Variants in ATP8B1 observed in about 807,000 individuals in gnomAD.
ATP8B1 encodes the protein ATPase phospholipid transporting 8B1, also known as phospholipid-transporting ATPase IC.
A neutral mutation model predicts 149.9 loss-of-function variants in ATP8B1; 80 were observed. The observed-to-expected ratio is 0.53, with a 90% confidence interval of 0.45 to 0.64. The LOEUF (loss-of-function observed/expected upper bound fraction) is 0.64, where lower values mean the gene tolerates loss of function less well. ATP8B1 is among the 30% of genes least tolerant of loss of function. ATP8B1 has a pLI of 0.00. For synonymous variants in ATP8B1, 536 were observed against 562.8 expected, an observed-to-expected ratio of 0.95 and a Z score of 0.67; for missense variants, 1,247 against 1,552.6, an observed-to-expected ratio of 0.80 and a Z score of 3.31.
intron 2 of ATP8B1, among the ~76,000 whole-genome samples, chr18:57,730,724 G>A (rs1245319532): frequency 1.3e-5 from 2 of 152,046 alleles, no homozygotes; most frequent in African/African-American, 4.8e-5. Context: ...TTACTTGCTG[G>A]CCCTTTACAG....
chr18:57,652,788 T>C, intron 24 of ATP8B1, 59 bp from the exon 25 acceptor site: 2 of 1,608,872 alleles, frequency 1.2e-6, no homozygotes, highest in Admixed American at 1.7e-5. Context: ...GTCAGAGATA[T>C]GTTATAATTA....
intron 1 of ATP8B1, among the ~76,000 whole-genome samples, chr18:57,733,725 A>G (rs1308172351): frequency 7.6e-6 from 1 of 132,128 alleles, no homozygotes; most frequent in Non-Finnish European, 1.7e-5. Flanking sequence ...AAAAAAAAAA[A>G]AAAATGTAAG....
rs776343793 is a variant in ATP8B1 at position 57,704,542 on chromosome 18, C to G, written c.393+13G>C. Reference sequence around the variant, plus strand: ...TATAATTCAAACAGATTTAAGATAGCAAAGGGCATTACCTGTAAGATAAGA... The same window carrying G: ...TATAATTCAAACAGATTTAAGATAGGAAAGGGCATTACCTGTAAGATAAGA... On this transcript the variant is annotated intron_variant, in intron 4 of 27. Coordinates refer to ENST00000648908, the MANE Select transcript of ATP8B1 (RefSeq NM_001374385.1). 6.7e-7 allele frequency: 1 copy of G among 1,502,394 alleles called. No individual in the cohort carries two copies. Among genetic ancestry groups the G allele is most frequent in the African/African-American group, 1.4e-5 (1 of 72,548 alleles). 93.1% of individuals were successfully genotyped at this position (1,502,394 alleles called of 1,614,324 possible).
chr18:57,742,677 A>C (rs779217761), intron 1 of ATP8B1, among the ~76,000 whole-genome samples: 6 of 151,988 alleles, frequency 3.9e-5, no homozygotes, highest in Admixed American at 6.6e-5. Flanking sequence ...ACAAATAATA[A>C]TTTAAAGAAT....
intron 1 of ATP8B1, among the ~76,000 whole-genome samples, chr18:57,786,654 C>T (rs1220161908): frequency 1.3e-5 from 2 of 152,122 alleles, no homozygotes; most frequent in Non-Finnish European, 2.9e-5. Flanking sequence ...AGGAAGAGTC[C>T]CTCACTTTGG....
chr18:57,775,399 A>G (rs927535473), intron 1 of ATP8B1, among the ~76,000 whole-genome samples: 4 of 150,916 alleles, frequency 2.7e-5, no homozygotes, highest in African/African-American at 9.8e-5. Flanking sequence ...GAGGAAGGAG[A>G]GGGGCGGAAT....
At chr18:57,792,198 G>C (rs1313284195) in intron 1 of ATP8B1, among the ~76,000 whole-genome samples, 1 of 152,136 alleles carries the variant, frequency 6.6e-6, no homozygotes, top group Non-Finnish European at 1.5e-5. Context: ...TCCATGGCCT[G>C]TGCTTTTTTT....
intron 1 of ATP8B1, among the ~76,000 whole-genome samples, chr18:57,788,878 C>T (rs938453618): frequency 6.6e-6 from 1 of 152,194 alleles, no homozygotes; most frequent in Non-Finnish European, 1.5e-5. Context: ...TATTACAAAT[C>T]ATAGATATTA....
At chr18:57,753,949 GAAAGAAAGAAAAGA>G (rs1568055002) in intron 1 of ATP8B1, among the ~76,000 whole-genome samples, 1 of 93,098 alleles carries the variant, frequency 1.1e-5, no homozygotes, top group African/African-American at 5.0e-5. Context: ...AAAAAAAAAA[GAAAGAAAGAAAAGA>G]AAAAAAAAAA....
At chr18:57,752,872 C>G (rs2080035812) in intron 1 of ATP8B1, among the ~76,000 whole-genome samples, 1 of 152,150 alleles carries the variant, frequency 6.6e-6, no homozygotes, top group Admixed American at 6.5e-5. Context: ...TCATAAAGAA[C>G]TACCAAATGT....
At chr18:57,762,141 ATTT>A (rs11300223) in intron 1 of ATP8B1, among the ~76,000 whole-genome samples, 3,025 of 126,758 alleles carry the variant, frequency 0.024, 74 homozygotes, top group African/African-American at 0.071. Flanking sequence ...ATATATATAT[ATTT>A]TTTTTTTCTT....
At chr18:57,744,195 G>A (rs1390606289) in intron 1 of ATP8B1, among the ~76,000 whole-genome samples, 3 of 150,890 alleles carry the variant, frequency 2.0e-5, no homozygotes, top group African/African-American at 4.9e-5. Context: ...TGTGCCTGTA[G>A]TCCCAGCTAC....
intron 1 of ATP8B1, among the ~76,000 whole-genome samples, chr18:57,752,307 C>G (rs754051063): frequency 2.6e-5 from 4 of 151,736 alleles, no homozygotes; most frequent in Non-Finnish European, 4.4e-5. Context: ...GGGGCAGAAT[C>G]AAGAAATGGT....
chr18:57,795,354 G>C (rs944298265), intron 1 of ATP8B1, among the ~76,000 whole-genome samples: 1 of 148,916 alleles, frequency 6.7e-6, no homozygotes, highest in Non-Finnish European at 1.5e-5. Flanking sequence ...AGTAAGCTAT[G>C]ATCACACCAC....
intron 1 of ATP8B1, among the ~76,000 whole-genome samples, chr18:57,799,782 A>G (rs1445223973): frequency 6.6e-6 from 1 of 152,106 alleles, no homozygotes; most frequent in Non-Finnish European, 1.5e-5. Flanking sequence ...GCTCATATCT[A>G]TATACATACA....
At chr18:57,680,301 A>AAAAAAAAAAAAAAAAAAAAAAAAAAAAC (rs1911874145) in intron 15 of ATP8B1, among the ~76,000 whole-genome samples, 1 of 124,946 alleles carries the variant, frequency 8.0e-6, no homozygotes, top group Admixed American at 8.4e-5. Flanking sequence ...AAAAAAAAAA[A>AAAAAAAAAAAAAAAAAAAAAAAAAAAAC]AGACTGGGTG....
chr18:57,648,816 C>T, intron 27 of ATP8B1, 104 bp from the exon 28 acceptor site: 1 of 1,122,828 alleles, frequency 8.9e-7, no homozygotes, highest in Admixed American at 2.1e-5. Flanking sequence ...TCCCCTGACA[C>T]CTGCCCCATT....
rs146370790 is a variant in ATP8B1, at chr18:57,778,612, G to A, written c.-26+24386C>T. On this transcript the variant is annotated intron_variant, in intron 1 of 27. Coordinates refer to ENST00000648908, the MANE Select transcript of ATP8B1 (RefSeq NM_001374385.1). ...GGCTGCAGTCAAGGTGTGAGCCAGA[G>A]CTGCAGTCACCTAAAGGTCGGCCTG... is the stretch of plus-strand genomic sequence containing the variant. 6.9e-3 allele frequency among the ~76,000 whole-genome samples: 1,049 copies of A among 152,282 alleles called. 13 individuals carry two copies. The highest frequency in any genetic ancestry group is 9.0e-3 in the Non-Finnish European group (609 of 68,030).
intron 4 of ATP8B1, among the ~76,000 whole-genome samples, chr18:57,703,974 AT>A (rs926426595): frequency 6.6e-6 from 1 of 150,558 alleles, no homozygotes; most frequent in African/African-American, 2.4e-5. Context: ...ATTTTATTTT[AT>A]TTTTTTTTAA....
Sources: allele counts gnomAD v4.1 joint callset (sites outside exome capture counted in the v4.1 genomes callset), GRCh38; gene constraint gnomAD v4.1.1; transcripts MANE v1.5; gene names NCBI Gene and HGNC (gene_info 2026-07-23, HGNC 2026-07-21).